RALGPS1: variants seen among roughly 807,000 people sequenced by gnomAD.
RALGPS1 encodes Ral GEF with PH domain and SH3 binding motif 1.
A neutral mutation model predicts 78.8 loss-of-function variants in RALGPS1; 19 were observed. The observed-to-expected ratio is 0.24, with a 90% confidence interval of 0.17 to 0.35. The LOEUF (loss-of-function observed/expected upper bound fraction) is 0.35. Ranked by LOEUF, RALGPS1 falls within the 10% of genes least tolerant of loss-of-function variation. The pLI, the probability that RALGPS1 is intolerant of heterozygous loss-of-function variation, is 1.00. For synonymous variants in RALGPS1, 228 were observed against 256.3 expected (o/e 0.89, Z 1.06); for missense variants, 454 against 688.3 (o/e 0.66, Z 3.81).
At chr9:127,144,232 C>T (rs1423923314) in intron 8 of RALGPS1, among the ~76,000 whole-genome samples, 3 of 152,140 alleles carry the variant, frequency 2.0e-5, no homozygotes, top group Admixed American at 6.5e-5. Flanking sequence ...ATCAGGTGAC[C>T]GCTGGATCCC....
At chr9:127,164,694 C>G (rs1048364389) in intron 8 of RALGPS1, among the ~76,000 whole-genome samples, 3 of 151,946 alleles carry the variant, frequency 2.0e-5, no homozygotes, top group African/African-American at 7.3e-5. Flanking sequence ...TATGCACCAC[C>G]ATGGCCAGCT....
intron 11 of RALGPS1, among the ~76,000 whole-genome samples, chr9:127,177,545 C>G (rs1441103109): frequency 6.6e-6 from 1 of 152,204 alleles, no homozygotes; most frequent in Non-Finnish European, 1.5e-5. Flanking sequence ...GCCCAGGGCC[C>G]TGCCTCAGCC....
chr9:127,159,045 A>G (rs938185218), intron 8 of RALGPS1, among the ~76,000 whole-genome samples: 2 of 151,966 alleles, frequency 1.3e-5, no homozygotes, highest in African/African-American at 4.8e-5. Context: ...AAAAAGTGTC[A>G]GTTTCTTCTC....
intron 4 of RALGPS1, among the ~76,000 whole-genome samples, chr9:126,984,039 T>C (rs2041569792): frequency 6.6e-6 from 1 of 152,236 alleles, no homozygotes; most frequent in Non-Finnish European, 1.5e-5. Context: ...TTATTTCATC[T>C]GTCAATGATC....
At chr9:127,114,624 C>T (rs2055204510) in intron 8 of RALGPS1, among the ~76,000 whole-genome samples, 2 of 152,216 alleles carry the variant, frequency 1.3e-5, no homozygotes, top group South Asian at 4.1e-4. Context: ...TACAGAACCA[C>T]CCCCTCACCA....
At chr9:127,106,345 T>C (rs527359726) in intron 8 of RALGPS1, among the ~76,000 whole-genome samples, 1 of 152,292 alleles carries the variant, frequency 6.6e-6, no homozygotes, top group South Asian at 2.1e-4. Context: ...CAGACACGTG[T>C]ACAGATGGAA....
Position 126,997,751 on chromosome 9 carries a change from G to A in RALGPS1, c.216+20006G>A, listed in dbSNP as rs575295971. Among the ~76,000 whole-genome samples the A allele has an allele frequency of 2.1e-3, 319 of 152,282 alleles. 4 individuals are homozygous for A. Among genetic ancestry groups the A allele is most frequent in the Admixed American group, 7.1e-3 (109 of 15,296 alleles). On this transcript the variant is annotated intron_variant, in intron 4 of 18. Coordinates refer to ENST00000259351, the MANE Select transcript of RALGPS1 (RefSeq NM_014636.3). ...AAAAGAACAAAGCTGGAGGCATCAT[G>A]CTACCTGACTTCAAACTATACTACA...
At chr9:126,985,779 G>A (rs1458779539) in intron 4 of RALGPS1, among the ~76,000 whole-genome samples, 2 of 152,166 alleles carry the variant, frequency 1.3e-5, no homozygotes, top group Non-Finnish European at 2.9e-5. Context: ...CAGAAAAGGA[G>A]GGTTATGCTA....
intron 2 of RALGPS1, among the ~76,000 whole-genome samples, chr9:126,964,628 T>TCACTATGTATACTG (rs770861564): frequency 6.6e-6 from 1 of 151,906 alleles, no homozygotes; most frequent in East Asian, 1.9e-4. Context: ...ACCTCAGAGG[T>TCACTATGTATACTG]CTTAACCACT....
At chr9:126,993,203 C>T (rs1201053197) in intron 4 of RALGPS1, among the ~76,000 whole-genome samples, 1 of 152,078 alleles carries the variant, frequency 6.6e-6, no homozygotes, top group Non-Finnish European at 1.5e-5. Context: ...TTAAACCAAC[C>T]TTGTATTGCT....
chr9:127,150,667 G>T (rs969119269), intron 8 of RALGPS1, among the ~76,000 whole-genome samples: 1 of 152,224 alleles, frequency 6.6e-6, no homozygotes, highest in African/African-American at 2.4e-5. Context: ...CAACAGAGAT[G>T]CCCTTTCCTG....
At chr9:126,951,886 G>C (rs2037859047) in intron 1 of RALGPS1, among the ~76,000 whole-genome samples, 1 of 152,210 alleles carries the variant, frequency 6.6e-6, no homozygotes, top group South Asian at 2.1e-4. Context: ...AATTGTCCCT[G>C]TTTGCAGATG....
chr9:126,959,790 T>C lies in RALGPS1; in HGVS notation c.-65-2435T>C, dbSNP rs181029118. On this transcript the variant is annotated intron_variant, in intron 1 of 18. Transcript: ENST00000259351. Reference sequence around the variant, plus strand: ...GTTTTAAACTCACTTTACGTCTATATGTTGACACACACCTCACTAAGGATA... The same window carrying C: ...GTTTTAAACTCACTTTACGTCTATACGTTGACACACACCTCACTAAGGATA... Among the ~76,000 whole-genome samples, 396 of 152,304 alleles carry C rather than the reference T, an allele frequency of 2.6e-3. 1 individual carries two copies. Among genetic ancestry groups the C allele is most frequent in the Non-Finnish European group, 4.2e-3 (288 of 68,020 alleles).
chr9:127,033,625 C>G (rs929379475), intron 4 of RALGPS1, among the ~76,000 whole-genome samples: 18 of 152,196 alleles, frequency 1.2e-4, no homozygotes, highest in Admixed American at 5.9e-4. Flanking sequence ...TACCTTTCCT[C>G]TAGTCTGTTT....
At chr9:127,009,528 G>A (rs944421977) in intron 4 of RALGPS1, among the ~76,000 whole-genome samples, 2 of 152,166 alleles carry the variant, frequency 1.3e-5, no homozygotes, top group African/African-American at 4.8e-5. Context: ...TAATGGTCAC[G>A]GATATCTTTA....
chr9:127,132,345 G>T (rs747196280), intron 8 of RALGPS1, among the ~76,000 whole-genome samples: 35 of 152,210 alleles, frequency 2.3e-4, no homozygotes, highest in Non-Finnish European at 3.8e-4. Context: ...TTAAAAAAAG[G>T]TTCCTATAAA....
At position 127,220,749 on chromosome 9, in the gene RALGPS1, T is replaced by G. The variant is rs1340093126; in HGVS notation, c.*1980T>G. 1 of 152,396 alleles carries G rather than the reference T, an allele frequency of 6.6e-6. No individual in the cohort carries two copies. Among genetic ancestry groups the G allele is most frequent in the Non-Finnish European group, 1.5e-5 (1 of 68,044 alleles). The allele number at this position is 152,396 out of a possible 1,614,324, so 9.4% of individuals were successfully genotyped here. The stretch of plus-strand genomic sequence containing the variant: ...TAAGTTTGGATGAAAGTGCAAGATG[T>G]GGAACATCAACTACCTATTTTCCTT... On this transcript the variant is annotated 3_prime_UTR_variant, in exon 19 of 19. Transcript: ENST00000259351.
chr9:126,955,080 AC>A (rs2038216147), intron 1 of RALGPS1, among the ~76,000 whole-genome samples: 4 of 152,254 alleles, frequency 2.6e-5, no homozygotes, highest in African/African-American at 9.6e-5. Context: ...GTTTCAGCTT[AC>A]ATATCGCATC....
rs527593568 is a variant in RALGPS1, at chr9:127,045,506, T to C, written c.301-4537T>C. ...GGAATCAAACAATATAAGAAATAGA[T>C]GAATATAAGAGAGTATAATGAAATG... On this transcript the variant is annotated intron_variant, in intron 5 of 18. Transcript: ENST00000259351. 6.6e-5 allele frequency among the ~76,000 whole-genome samples: 10 copies of C among 152,124 alleles called. No homozygotes were observed. In the East Asian group the frequency reaches 1.4e-3, roughly 21 times the overall value.
Sources: gnomAD v4.1 joint callset for allele counts (sites outside exome capture counted in the v4.1 genomes callset) on GRCh38, gnomAD v4.1.1 for gene constraint, MANE v1.5 for transcripts, NCBI Gene and HGNC (gene_info 2026-07-23, HGNC 2026-07-21) for gene names.